The following IPO11 variants were observed in gnomAD, a reference collection of about 807,000 sequenced individuals.
The protein encoded by IPO11 is importin 11, also known as importin-11.
Under a neutral mutation model 143.2 loss-of-function variants are expected in IPO11, and 66 were observed. The ratio of observed to expected loss-of-function variants is 0.46; its 90% CI spans 0.38 to 0.57. The LOEUF is 0.57. Among genes scored for constraint, IPO11 ranks in the 20% least tolerant of loss-of-function variants. The pLI is 0.00. For missense variants in IPO11, 1,026 were observed against 1,141.0 expected (o/e 0.90, Z 1.45); for synonymous variants, 385 against 377.8 (o/e 1.02, Z -0.22).
At chr5:62,440,555 C>T (rs544718177) in intron 2 of IPO11, among the ~76,000 whole-genome samples, 2 of 152,016 alleles carry the variant, frequency 1.3e-5, no homozygotes, top group East Asian at 2.0e-4. Context: ...CAGGGTTTCA[C>T]CATGTTGGCC....
chr5:62,509,062 ATC>A (rs1433710195), intron 19 of IPO11, among the ~76,000 whole-genome samples: 27 of 152,372 alleles, frequency 1.8e-4, no homozygotes, highest in African/African-American at 6.3e-4. Context: ...TAAAGTCACC[ATC>A]TTTGTACCAT....
chr5:62,494,767 C>A (rs1741074643), intron 16 of IPO11, among the ~76,000 whole-genome samples: 1 of 152,002 alleles, frequency 6.6e-6, no homozygotes. Flanking sequence ...TACTGTATGC[C>A]TGGGTGAATA....
intron 6 of IPO11, among the ~76,000 whole-genome samples, chr5:62,469,917 T>G (rs191852393): frequency 4.6e-5 from 7 of 152,310 alleles, no homozygotes; most frequent in Non-Finnish European, 1.0e-4. Context: ...GAGTCATAGC[T>G]TAAAGTTTGT....
At chr5:62,447,102 T>C (rs1744744404) in intron 3 of IPO11, among the ~76,000 whole-genome samples, 1 of 149,450 alleles carries the variant, frequency 6.7e-6, no homozygotes, top group Admixed American at 6.6e-5. Flanking sequence ...TTCATAATTA[T>C]ATATATATAT....
At chr5:62,610,297 TTA>T (rs143857133) in intron 29 of IPO11, among the ~76,000 whole-genome samples, 4,033 of 152,300 alleles carry the variant, frequency 0.026, 169 homozygotes, top group African/African-American at 0.089. Context: ...GTTTTTTTCT[TTA>T]TCCTTTGGCA....
chr5:62,435,144 G>GTATATGTATGTATATATGTA (rs1744152769), intron 1 of IPO11, among the ~76,000 whole-genome samples: 4 of 64,992 alleles, frequency 6.2e-5, no homozygotes, highest in Non-Finnish European at 1.3e-4. Flanking sequence ...ATGTATATAT[G>GTATATGTATGTATATATGTA]TATATATGTA....
chr5:62,563,177 T>C (rs1183713188), intron 27 of IPO11, among the ~76,000 whole-genome samples: 26 of 152,240 alleles, frequency 1.7e-4, no homozygotes, highest in Admixed American at 1.4e-3. Flanking sequence ...TTTTAACTCA[T>C]TGGTGTTTCT....
At chr5:62,501,214 ACTCT>A (rs1047768003) in intron 16 of IPO11, among the ~76,000 whole-genome samples, 2 of 151,138 alleles carry the variant, frequency 1.3e-5, no homozygotes, top group South Asian at 2.1e-4. Flanking sequence ...TCTTTTGTAC[ACTCT>A]CTAATTTTTT....
chr5:62,580,128 T>C, intron 27 of IPO11: 4 of 1,551,196 alleles, frequency 2.6e-6, no homozygotes, highest in Non-Finnish European at 3.5e-6. Flanking sequence ...TTAAAAGTCT[T>C]AGAAGACTTT....
chr5:62,416,064 C>T (rs930870715), intron 1 of IPO11, among the ~76,000 whole-genome samples: 5 of 152,118 alleles, frequency 3.3e-5, no homozygotes, highest in South Asian at 2.1e-4. Flanking sequence ...AGATTGGTTT[C>T]CTGTAAGACC....
intron 3 of IPO11, among the ~76,000 whole-genome samples, chr5:62,444,745 T>G (rs1336500324): frequency 6.6e-6 from 1 of 151,998 alleles, no homozygotes; most frequent in Non-Finnish European, 1.5e-5. Flanking sequence ...GGCGGATGCC[T>G]GTAATCCCAG....
intron 26 of IPO11, among the ~76,000 whole-genome samples, chr5:62,557,466 GGCCACCATGCCTGGCATGA>G (rs1167698274): frequency 6.6e-6 from 1 of 152,024 alleles, no homozygotes; most frequent in Non-Finnish European, 1.5e-5. Flanking sequence ...TACAGGCATG[GGCCACCATGCCTGGCATGA>G]GCTCTTTCTT....
intron 16 of IPO11, among the ~76,000 whole-genome samples, chr5:62,496,687 A>T (rs1266120282): frequency 1.3e-5 from 2 of 152,206 alleles, no homozygotes; most frequent in Non-Finnish European, 2.9e-5. Flanking sequence ...CCATATAGAG[A>T]CATGTATGTA....
intron 22 of IPO11, among the ~76,000 whole-genome samples, chr5:62,535,207 A>T (rs1742695437): frequency 6.6e-6 from 1 of 151,882 alleles, no homozygotes; most frequent in African/African-American, 2.4e-5. Context: ...TTCTTTTTAT[A>T]TCAAGTCTTC....
intron 24 of IPO11, among the ~76,000 whole-genome samples, chr5:62,543,481 T>C (rs920365706): frequency 1.3e-5 from 2 of 152,332 alleles, no homozygotes; most frequent in South Asian, 4.1e-4. Context: ...ATAGAGATGT[T>C]TATAATATTC....
intron 20 of IPO11, among the ~76,000 whole-genome samples, chr5:62,519,317 A>C (rs1742131292): frequency 6.6e-6 from 1 of 152,212 alleles, no homozygotes; most frequent in Non-Finnish European, 1.5e-5. Context: ...TTTCAAATGA[A>C]AAGTATCAGT....
intron 24 of IPO11, among the ~76,000 whole-genome samples, chr5:62,547,620 T>C (rs990410975): frequency 1.3e-5 from 2 of 152,132 alleles, no homozygotes; most frequent in African/African-American, 4.8e-5. Flanking sequence ...AAAAACTCTG[T>C]TTTATCCCTG....
chr5:62,627,054 T>G (rs1746609690), intron 29 of IPO11, 100 bp from the exon 30 acceptor site: 4 of 1,011,024 alleles, frequency 4.0e-6, no homozygotes, highest in Non-Finnish European at 5.7e-6. Flanking sequence ...AGAAGCAATT[T>G]TGTTACTGTA....
At chr5:62,525,082 T>G (rs1267444516) in intron 20 of IPO11, among the ~76,000 whole-genome samples, 1 of 152,192 alleles carries the variant, frequency 6.6e-6, no homozygotes, top group Non-Finnish European at 1.5e-5. Flanking sequence ...TGTTCTTGAT[T>G]CATTAAAAAT....
Sources: allele counts gnomAD v4.1 joint callset (sites outside exome capture counted in the v4.1 genomes callset), GRCh38; gene constraint gnomAD v4.1.1; transcripts MANE v1.5; gene names NCBI Gene and HGNC (gene_info 2026-07-23, HGNC 2026-07-21).